Variants in NRXN3 observed in about 807,000 individuals in gnomAD.
NRXN3 encodes the protein neurexin III.
A neutral mutation model predicts 137.6 loss-of-function variants in NRXN3; 32 were observed. That is an observed-to-expected ratio of 0.23 (90% CI 0.18 to 0.31). The LOEUF (loss-of-function observed/expected upper bound fraction) is 0.31, where lower values mean the gene tolerates loss of function less well. Ranked by LOEUF, NRXN3 falls within the 10% of genes least tolerant of loss-of-function variation. The pLI is 1.00. For synonymous variants in NRXN3, 798 were observed against 784.5 expected, an observed-to-expected ratio of 1.02 and a Z score of -0.29; for missense variants, 1,574 against 2,062.5, an observed-to-expected ratio of 0.76 and a Z score of 4.59.
chr14:79,809,841 G>T (rs144447773), intron 20 of NRXN3, among the ~76,000 whole-genome samples: 2 of 152,216 alleles, frequency 1.3e-5, no homozygotes, highest in African/African-American at 2.4e-5. Flanking sequence ...AATCCAAGAA[G>T]AAAAACGGAT....
chr14:79,246,455 C>G (rs1432432086), intron 15 of NRXN3, among the ~76,000 whole-genome samples: 1 of 152,154 alleles, frequency 6.6e-6, no homozygotes, highest in Non-Finnish European at 1.5e-5. Flanking sequence ...TTCTGTATGC[C>G]TGGATGCTAG....
At chr14:78,430,633 C>T (rs913015794) in intron 4 of NRXN3, among the ~76,000 whole-genome samples, 1 of 152,194 alleles carries the variant, frequency 6.6e-6, no homozygotes, top group Non-Finnish European at 1.5e-5. Context: ...ACCCTCATAG[C>T]GAGTGGTCCT....
rs117922642 is a variant in NRXN3 at position 78,603,196 on chromosome 14, G to A, written c.758-41924G>A. Among the ~76,000 whole-genome samples the A allele has an allele frequency of 4.4e-3, 664 of 152,208 alleles. 2 individuals are homozygous for A. The highest frequency in any genetic ancestry group is 6.8e-3 in the Non-Finnish European group (463 of 68,004). ...TCCCCAGGGTTCCCAAAGGTCTTCT[G>A]CATTGCCCACCTGCTGCTCTCTTTC... On this transcript the variant is annotated intron_variant, in intron 4 of 20. Coordinates refer to ENST00000335750, the MANE Select transcript of NRXN3 (RefSeq NM_001330195.2).
At chr14:78,259,969 G>A (rs527400629) in intron 2 of NRXN3, among the ~76,000 whole-genome samples, 27 of 152,284 alleles carry the variant, frequency 1.8e-4, no homozygotes, top group Non-Finnish European at 2.2e-4. Flanking sequence ...GCTGGTATGC[G>A]ATGGGAACCA....
chr14:79,253,790 C>T (rs768327635), intron 15 of NRXN3, among the ~76,000 whole-genome samples: 1 of 152,204 alleles, frequency 6.6e-6, no homozygotes, highest in Non-Finnish European at 1.5e-5. Context: ...AAACCACCCC[C>T]ACAATCTAAT....
Position 79,603,533 on chromosome 14 carries a change from C to T in NRXN3, c.3445-60245C>T, listed in dbSNP as rs570258920. ...GGAAGCAAAATATTTATTCCTTTTC[C>T]TGCATTCTTTAATACCTAGTTTATG... On this transcript the variant is annotated intron_variant, in intron 16 of 20. Coordinates refer to ENST00000335750, the MANE Select transcript of NRXN3 (RefSeq NM_001330195.2). Among the ~76,000 whole-genome samples, 3 of 152,230 alleles carry T rather than the reference C, an allele frequency of 2.0e-5. No homozygotes were observed. The South Asian group carries it at 6.2e-4, about 32-fold the overall frequency.
intron 15 of NRXN3, among the ~76,000 whole-genome samples, chr14:79,321,137 C>T (rs2089941894): frequency 6.6e-6 from 1 of 151,742 alleles, no homozygotes; most frequent in Admixed American, 6.6e-5. Context: ...TTTGTAGTTC[C>T]CTGAATTGCT....
chr14:79,601,040 C>CTTTTTTTTTTTTT, intron 16 of NRXN3, among the ~76,000 whole-genome samples: 1 of 93,424 alleles, frequency 1.1e-5, no homozygotes, highest in Non-Finnish European at 2.0e-5. Flanking sequence ...TCTTTGTTGC[C>CTTTTTTTTTTTTT]TTTTTTTTTT....
intron 5 of NRXN3, among the ~76,000 whole-genome samples, chr14:78,647,979 T>G (rs768953972): frequency 1.3e-5 from 2 of 152,212 alleles, no homozygotes; most frequent in Non-Finnish European, 2.9e-5. Context: ...AAAAATTCAT[T>G]GAGTAAAGTT....
At chr14:79,354,556 C>T (rs747663200) in intron 15 of NRXN3, among the ~76,000 whole-genome samples, 3 of 152,090 alleles carry the variant, frequency 2.0e-5, no homozygotes, top group Non-Finnish European at 4.4e-5. Flanking sequence ...TTTCACATGC[C>T]TGTATGCATG....
intron 19 of NRXN3, among the ~76,000 whole-genome samples, chr14:79,744,703 G>A (rs759343632): frequency 1.3e-5 from 2 of 152,184 alleles, no homozygotes; most frequent in Admixed American, 6.6e-5. Context: ...TGGCTTTGCA[G>A]ATTTTGTTTC....
intron 4 of NRXN3, among the ~76,000 whole-genome samples, chr14:78,553,180 T>A (rs2096708623): frequency 1.3e-5 from 2 of 152,216 alleles, no homozygotes; most frequent in Admixed American, 6.5e-5. Flanking sequence ...TTTGCATGTC[T>A]GTATCATTTA....
At position 79,408,014 on chromosome 14, in the gene NRXN3, C is replaced by T. The variant is rs187655349; in HGVS notation, c.3263-59207C>T. Reference sequence around the variant, plus strand: ...TGCTGCCTGAACTAGGAATATAATTCGGGATTTGCAGCTAGTAAGTTGAAA... The same window carrying T: ...TGCTGCCTGAACTAGGAATATAATTTGGGATTTGCAGCTAGTAAGTTGAAA... On this transcript the variant is annotated intron_variant, in intron 15 of 20. Transcript: ENST00000335750. Among the ~76,000 whole-genome samples, 86 of 152,166 alleles carry T rather than the reference C, an allele frequency of 5.7e-4. 1 individual carries two copies. The highest frequency in any genetic ancestry group is 2.0e-3 in the African/African-American group (81 of 41,514).
At chr14:79,677,190 C>T (rs72696786) in intron 17 of NRXN3, among the ~76,000 whole-genome samples, 3,297 of 151,766 alleles carry the variant, frequency 0.022, 73 homozygotes, top group East Asian at 0.09. Context: ...TATATTAGTA[C>T]GATGACTCTT....
intron 10 of NRXN3, among the ~76,000 whole-genome samples, chr14:78,934,882 G>A (rs2099331039): frequency 1.3e-5 from 2 of 151,954 alleles, no homozygotes; most frequent in South Asian, 4.2e-4. Flanking sequence ...AATGGGTGCA[G>A]CACACCAACA....
At chr14:79,230,222 G>A (rs1351528709) in intron 15 of NRXN3, among the ~76,000 whole-genome samples, 4 of 151,912 alleles carry the variant, frequency 2.6e-5, no homozygotes, top group East Asian at 1.9e-4. Context: ...CTTGGGTAAC[G>A]GTTTTGAAGA....
At chr14:79,186,262 G>A (rs1343052730) in intron 15 of NRXN3, among the ~76,000 whole-genome samples, 1 of 147,974 alleles carries the variant, frequency 6.8e-6, no homozygotes, top group Non-Finnish European at 1.5e-5. Context: ...AAAAAAAAAG[G>A]TGTTTCTTAC....
intron 4 of NRXN3, among the ~76,000 whole-genome samples, chr14:78,455,882 G>T (rs905948672): frequency 6.6e-6 from 1 of 152,112 alleles, no homozygotes; most frequent in Non-Finnish European, 1.5e-5. Context: ...CCAAATTCCA[G>T]ACTTTGCTCT....
intron 10 of NRXN3, among the ~76,000 whole-genome samples, chr14:78,904,163 A>G (rs1177797831): frequency 2.6e-5 from 4 of 152,096 alleles, no homozygotes; most frequent in Admixed American, 2.0e-4. Flanking sequence ...TCTGGTTTAC[A>G]GAGCCTGGCC....
Sources: gnomAD v4.1 joint callset for allele counts (sites outside exome capture counted in the v4.1 genomes callset) on GRCh38, gnomAD v4.1.1 for gene constraint, MANE v1.5 for transcripts, NCBI Gene and HGNC (gene_info 2026-07-23, HGNC 2026-07-21) for gene names.